Variants in ZDHHC14 observed in about 807,000 individuals in gnomAD.
ZDHHC14 encodes zDHHC palmitoyltransferase 14.
A neutral mutation model predicts 47.7 loss-of-function variants in ZDHHC14; 16 were observed. The ratio of observed to expected loss-of-function variants is 0.34; its 90% CI spans 0.23 to 0.51. The LOEUF is 0.51. Ranked by LOEUF, ZDHHC14 falls within the 20% of genes least tolerant of loss-of-function variation. ZDHHC14 has a pLI of 0.97. For missense variants in ZDHHC14, 515 were observed against 662.5 expected, an observed-to-expected ratio of 0.78 and a Z score of 2.44; for synonymous variants, 293 against 278.9, an observed-to-expected ratio of 1.05 and a Z score of -0.50.
At chr6:157,649,326 C>CA (rs747944561) in intron 7 of ZDHHC14, among the ~76,000 whole-genome samples, 1 of 152,182 alleles carries the variant, frequency 6.6e-6, no homozygotes, top group Non-Finnish European at 1.5e-5. Flanking sequence ...ACAAATAAGA[C>CA]ATTTGCTTTG....
intron 1 of ZDHHC14, among the ~76,000 whole-genome samples, chr6:157,489,067 T>TC (rs1282363446): frequency 2.0e-5 from 3 of 152,234 alleles, no homozygotes; most frequent in African/African-American, 7.2e-5. Flanking sequence ...TAAACGGGCT[T>TC]CCATCAGCAG....
chr6:157,516,222 T>G (rs144277312), intron 1 of ZDHHC14, among the ~76,000 whole-genome samples: 58 of 152,368 alleles, frequency 3.8e-4, no homozygotes, highest in Non-Finnish European at 7.9e-4. Flanking sequence ...ATGATATTAA[T>G]ATGTAACTTA....
At chr6:157,641,230 A>G (rs891274512) in intron 5 of ZDHHC14, among the ~76,000 whole-genome samples, 1 of 152,132 alleles carries the variant, frequency 6.6e-6, no homozygotes, top group Non-Finnish European at 1.5e-5. Flanking sequence ...CTATGTGCAC[A>G]TATTACTGTG....
At chr6:157,539,692 G>A (rs1459949154) in intron 1 of ZDHHC14, among the ~76,000 whole-genome samples, 1 of 152,140 alleles carries the variant, frequency 6.6e-6, no homozygotes, top group Non-Finnish European at 1.5e-5. Context: ...GCACATAGTC[G>A]CCTTGTAACA....
intron 1 of ZDHHC14, among the ~76,000 whole-genome samples, chr6:157,492,206 G>GCCC (rs954347593): frequency 9.7e-5 from 8 of 82,476 alleles, no homozygotes; most frequent in African/African-American, 3.2e-4. Flanking sequence ...CTCCGCCCCC[G>GCCC]CCCCCCAGCC....
intron 1 of ZDHHC14, among the ~76,000 whole-genome samples, chr6:157,493,402 A>T (rs1779977667): frequency 6.6e-6 from 1 of 152,186 alleles, no homozygotes; most frequent in Admixed American, 6.5e-5. Context: ...CCTGTTGGTG[A>T]GGGCTCTGCA....
chr6:157,461,984 A>G (rs1779098483), intron 1 of ZDHHC14, among the ~76,000 whole-genome samples: 1 of 151,804 alleles, frequency 6.6e-6, no homozygotes, highest in Non-Finnish European at 1.5e-5. Context: ...AATTTTTTAA[A>G]CCCCTGTTGG....
intron 1 of ZDHHC14, among the ~76,000 whole-genome samples, chr6:157,383,443 T>A (rs1429161148): frequency 6.6e-6 from 1 of 152,182 alleles, no homozygotes; most frequent in East Asian, 1.9e-4. Context: ...TTGTTTCTGA[T>A]TAGGATTAAT....
chr6:157,410,246 C>T (rs1452432803), intron 1 of ZDHHC14, among the ~76,000 whole-genome samples: 12 of 152,124 alleles, frequency 7.9e-5, no homozygotes, highest in Non-Finnish European at 1.2e-4. Context: ...TGGATTCTCT[C>T]TGGTCAGCCA....
intron 1 of ZDHHC14, among the ~76,000 whole-genome samples, chr6:157,520,387 CCTGA>C (rs1416274630): frequency 6.6e-6 from 1 of 152,106 alleles, no homozygotes; most frequent in East Asian, 1.9e-4. Flanking sequence ...GAAATGGTTT[CCTGA>C]CTATCTCATA....
Position 157,652,886 on chromosome 6 carries a change from G to A in ZDHHC14, c.966-639G>A, listed in dbSNP as rs112718298. On this transcript the variant is annotated intron_variant, in intron 7 of 8. Coordinates refer to ENST00000359775, the MANE Select transcript of ZDHHC14 (RefSeq NM_024630.3). Reference sequence around the variant, plus strand: ...GGGAGCTTGATTGCAGGCAGAAAGCGATGTATGGGGCTGAGAATCAGAGAA... The same window carrying A: ...GGGAGCTTGATTGCAGGCAGAAAGCAATGTATGGGGCTGAGAATCAGAGAA... Among the ~76,000 whole-genome samples the A allele has an allele frequency of 2.2e-3, 338 of 152,298 alleles. 2 individuals carry two copies. Among genetic ancestry groups the A allele is most frequent in the African/African-American group, 7.9e-3 (330 of 41,552 alleles).
intron 1 of ZDHHC14, among the ~76,000 whole-genome samples, chr6:157,512,288 G>A (rs955785157): frequency 3.3e-5 from 5 of 152,218 alleles, no homozygotes. Context: ...GATGCCGCTG[G>A]GGGGCCCTCT....
chr6:157,520,466 A>C (rs922168198), intron 1 of ZDHHC14, among the ~76,000 whole-genome samples: 1 of 152,340 alleles, frequency 6.6e-6, no homozygotes, highest in South Asian at 2.1e-4. Flanking sequence ...GAAGGGAAAT[A>C]TGGTTTTCAA....
intron 7 of ZDHHC14, among the ~76,000 whole-genome samples, chr6:157,648,865 AAG>A (rs1777686647): frequency 6.6e-6 from 1 of 152,118 alleles, no homozygotes; most frequent in South Asian, 2.1e-4. Context: ...AGGAAACAGT[AAG>A]AGCCAGGGAG....
At chr6:157,382,296 C>A in intron 1 of ZDHHC14, 30 bp downstream of exon 1, 1 of 1,609,562 alleles carries the variant, frequency 6.2e-7, no homozygotes, top group South Asian at 1.1e-5. Flanking sequence ...CCCCCGACGC[C>A]GCACTCCCCT....
At chr6:157,541,641 G>A (rs1386807064) in intron 1 of ZDHHC14, among the ~76,000 whole-genome samples, 2 of 152,248 alleles carry the variant, frequency 1.3e-5, no homozygotes, top group East Asian at 3.9e-4. Context: ...ATTTAATGTG[G>A]CGACAATGGA....
intron 1 of ZDHHC14, among the ~76,000 whole-genome samples, chr6:157,437,764 C>A (rs949269231): frequency 6.6e-6 from 1 of 151,920 alleles, no homozygotes; most frequent in African/African-American, 2.4e-5. Flanking sequence ...TATTTAAAAC[C>A]AAAAAATATA....
chr6:157,529,771 T>C (rs1169617852), intron 1 of ZDHHC14, among the ~76,000 whole-genome samples: 1 of 152,214 alleles, frequency 6.6e-6, no homozygotes, highest in Non-Finnish European at 1.5e-5. Context: ...AGAAAATGTG[T>C]AGAGTGCAAA....
rs534399933 is a variant in ZDHHC14, at chr6:157,582,932, C to T, written c.407-10056C>T. Among the ~76,000 whole-genome samples, 27 of 151,884 alleles carry T rather than the reference C, an allele frequency of 1.8e-4. 2 individuals are homozygous for T. In the South Asian group the frequency reaches 5.6e-3, roughly 32 times the overall value. On this transcript the variant is annotated intron_variant, in intron 2 of 8. Coordinates refer to ENST00000359775, the MANE Select transcript of ZDHHC14 (RefSeq NM_024630.3). This position sits in a 1 kb window ranked among gnomAD's most constrained non-coding sequence, Gnocchi z 4.3. ...TCAGAGGTTTTATTCATTCTTTTTACTTTATTTTCGTCTAACTGAGTTATT... is the reference window on the plus strand; with the variant it reads ...TCAGAGGTTTTATTCATTCTTTTTATTTTATTTTCGTCTAACTGAGTTATT...
Sources: gnomAD v4.1 joint callset for allele counts (sites outside exome capture counted in the v4.1 genomes callset) on GRCh38, gnomAD v4.1.1 for gene constraint, Gnocchi (gnomAD v3.1) non-coding constraint, MANE v1.5 for transcripts, NCBI Gene and HGNC (gene_info 2026-07-23, HGNC 2026-07-21) for gene names.